Variants in ELSPBP1 observed in about 807,000 individuals in gnomAD.
The protein encoded by ELSPBP1 is epididymal sperm binding protein 1.
Under a neutral mutation model 33.3 loss-of-function variants are expected in ELSPBP1, and 38 were observed. The observed-to-expected ratio is 1.14, with a 90% CI of 0.88 to 1.50. ELSPBP1 has a LOEUF of 1.50. Ranked by LOEUF, ELSPBP1 falls within the 40% of genes most tolerant of loss-of-function variation. The pLI is 0.00. For missense variants in ELSPBP1, 267 were observed against 263.5 expected (o/e 1.01, Z -0.09); for synonymous variants, 85 against 94.1 (o/e 0.90, Z 0.56).
At chr19:47,997,864 G>A (rs1600099158) in intron 1 of ELSPBP1, among the ~76,000 whole-genome samples, 2 of 152,254 alleles carry the variant, frequency 1.3e-5, no homozygotes, top group Non-Finnish European at 1.5e-5. Flanking sequence ...AAAGACATAA[G>A]TCACACATCT....
At chr19:48,010,633 C>G (rs1967066773) in intron 2 of ELSPBP1, among the ~76,000 whole-genome samples, 1 of 152,160 alleles carries the variant, frequency 6.6e-6, no homozygotes, top group Non-Finnish European at 1.5e-5. Context: ...TGAGCCAAGT[C>G]TTCATGGATG....
chr19:48,024,583 G>C (rs544628880), intron 6 of ELSPBP1, among the ~76,000 whole-genome samples: 1 of 152,160 alleles, frequency 6.6e-6, no homozygotes, highest in African/African-American at 2.4e-5. Flanking sequence ...AGGGAAAGGA[G>C]GGGGTTTGGA....
At chr19:48,010,104 CA>C (rs1967062016) in intron 2 of ELSPBP1, among the ~76,000 whole-genome samples, 1 of 152,092 alleles carries the variant, frequency 6.6e-6, no homozygotes, top group Non-Finnish European at 1.5e-5. Flanking sequence ...CTGGGAGATG[CA>C]GTGTAGCAGT....
chr19:48,004,842 C>T (rs1287004970), intron 1 of ELSPBP1, among the ~76,000 whole-genome samples: 6 of 152,198 alleles, frequency 3.9e-5, no homozygotes, highest in Admixed American at 2.6e-4. Context: ...GTAGCCCTGG[C>T]CCCACATCTT....
Position 48,011,178 on chromosome 19 carries a change from A to G in ELSPBP1, c.70+2441A>G, listed in dbSNP as rs1600106492. On this transcript the variant is annotated intron_variant, in intron 2 of 6. Coordinates refer to ENST00000339841, the MANE Select transcript of ELSPBP1 (RefSeq NM_022142.5). The surrounding 1 kb of genome is among the most constrained non-coding windows in gnomAD (Gnocchi z 4.5). ...ATGACAATGATGTGATGAGGAGGAA[A>G]ATAATGATTACAATAATGATGACAA... 8.6e-6 allele frequency among the ~76,000 whole-genome samples: 1 copy of G among 115,942 alleles called. No individual in the cohort carries two copies. The highest frequency in any genetic ancestry group is 3.0e-4 in the South Asian group (1 of 3,284). The allele number at this position is 115,942 out of a possible 152,430, so 76.1% of individuals were successfully genotyped here. A position where few individuals can be genotyped will look rare whatever the true frequency, so the allele number is the denominator to read the frequency against.
chr19:48,023,514 A>AGGG (rs1243722209), intron 6 of ELSPBP1, among the ~76,000 whole-genome samples: 3 of 88,456 alleles, frequency 3.4e-5, no homozygotes, highest in African/African-American at 6.8e-5. Context: ...AGAGGAAGGA[A>AGGG]ATAAGGAAGG....
intron 5 of ELSPBP1, among the ~76,000 whole-genome samples, chr19:48,020,386 T>C (rs963158175): frequency 5.3e-5 from 8 of 152,080 alleles, no homozygotes; most frequent in African/African-American, 1.9e-4. Flanking sequence ...AACATAATAC[T>C]ATACTGCTAA....
rs949454103 is a variant in ELSPBP1, at chr19:48,022,450, G to A, written c.*7+116G>A. The A allele has an allele frequency of 3.7e-5, 34 of 931,356 alleles. No individual in the cohort carries two copies. The Admixed American group carries it at 5.9e-4, about 16-fold the overall frequency. 57.7% of individuals were successfully genotyped at this position (931,356 alleles called of 1,614,324 possible). On this transcript the variant is annotated intron_variant, in intron 6 of 6. Transcript: ENST00000339841. ...GCTTTTTCAAGCGTGTCTGATTAGC[G>A]TCGCTGATGTGAAGGCGAGATCTGT...
intron 1 of ELSPBP1, among the ~76,000 whole-genome samples, chr19:48,006,189 G>A (rs1306464290): frequency 6.6e-6 from 1 of 151,918 alleles, no homozygotes; most frequent in African/African-American, 2.4e-5. Flanking sequence ...CAAACTCCTG[G>A]CCTCAAGCAA....
chr19:48,005,235 A>C (rs1782734455), intron 1 of ELSPBP1, among the ~76,000 whole-genome samples: 1 of 152,114 alleles, frequency 6.6e-6, no homozygotes, highest in African/African-American at 2.4e-5. Flanking sequence ...AGAAAAAAAC[A>C]AAAAGAGAAA....
chr19:48,019,958 T>A lies in ELSPBP1; in HGVS notation c.514+81T>A, dbSNP rs1967182535. 7.5e-6 allele frequency: 11 copies of A among 1,472,274 alleles called. No homozygotes were observed. In the South Asian group the frequency reaches 1.3e-4, roughly 18 times the overall value. 91.2% of individuals were successfully genotyped at this position (1,472,274 alleles called of 1,614,324 possible). A position where few individuals can be genotyped will look rare whatever the true frequency, so the allele number is the denominator to read the frequency against. ...CAACAAACACCTCCTGAAACCCCAC[T>A]GTGAGCCAGGCACTGAGTTGGGCAC... On this transcript the variant is annotated intron_variant, in intron 5 of 6. Coordinates refer to ENST00000339841, the MANE Select transcript of ELSPBP1 (RefSeq NM_022142.5).
intron 1 of ELSPBP1, among the ~76,000 whole-genome samples, chr19:47,995,079 C>G (rs763236013): frequency 6.6e-6 from 1 of 152,182 alleles, no homozygotes; most frequent in African/African-American, 2.4e-5. Flanking sequence ...AGATACTTTA[C>G]ATTTTTTCCC....
intron 4 of ELSPBP1, among the ~76,000 whole-genome samples, chr19:48,018,006 A>G (rs1763496542): frequency 6.6e-6 from 1 of 152,000 alleles, no homozygotes; most frequent in South Asian, 2.1e-4. Flanking sequence ...ATCTCCTTAG[A>G]CCCAGTTTTG....
intron 1 of ELSPBP1, among the ~76,000 whole-genome samples, chr19:48,007,648 G>A (rs1173339805): frequency 6.6e-6 from 1 of 152,174 alleles, no homozygotes; most frequent in Admixed American, 6.6e-5. Context: ...GGTTAATGAG[G>A]ACGGTAAATG....
chr19:48,013,952 T>G (rs1021156357), intron 2 of ELSPBP1, among the ~76,000 whole-genome samples: 1 of 152,034 alleles, frequency 6.6e-6, no homozygotes, highest in Non-Finnish European at 1.5e-5. Context: ...ATAAGGGTTC[T>G]TATCTCAGTC....
chr19:47,995,025 C>T (rs1008924787), intron 1 of ELSPBP1, among the ~76,000 whole-genome samples: 2 of 152,148 alleles, frequency 1.3e-5, no homozygotes, highest in African/African-American at 4.8e-5. Flanking sequence ...TATATCTAAA[C>T]GATTATCATT....
intron 4 of ELSPBP1, among the ~76,000 whole-genome samples, chr19:48,018,933 C>T (rs1967169487): frequency 1.3e-5 from 2 of 152,202 alleles, no homozygotes; most frequent in African/African-American, 4.8e-5. Context: ...GCAGGTGAAT[C>T]ACCTGAGGTC....
chr19:47,999,391 T>TC (rs373789575), intron 1 of ELSPBP1, among the ~76,000 whole-genome samples: 1 of 145,610 alleles, frequency 6.9e-6, no homozygotes. Context: ...TCATTTCTTT[T>TC]TTTTTTTTTT....
chr19:48,006,676 C>T (rs1052242173), intron 1 of ELSPBP1, among the ~76,000 whole-genome samples: 2 of 148,894 alleles, frequency 1.3e-5, no homozygotes, highest in South Asian at 2.2e-4. Flanking sequence ...TAAGTAATTT[C>T]CCTGAAGTCA....
Sources: allele counts gnomAD v4.1 joint callset (sites outside exome capture counted in the v4.1 genomes callset), GRCh38; gene constraint gnomAD v4.1.1; non-coding constraint Gnocchi (gnomAD v3.1); transcripts MANE v1.5; gene names NCBI Gene and HGNC (gene_info 2026-07-23, HGNC 2026-07-21).